The following MUC5B variants were observed in gnomAD, a reference collection of about 807,000 sequenced individuals.
The protein encoded by MUC5B is mucin 5B, oligomeric mucus/gel-forming, also known as mucin-5B.
A neutral mutation model predicts 376.9 loss-of-function variants in MUC5B; 116 were observed. That is an observed-to-expected ratio of 0.31 (90% CI 0.26 to 0.36). The LOEUF (loss-of-function observed/expected upper bound fraction) is 0.36, where lower values mean the gene tolerates loss of function less well. Ranked by LOEUF, MUC5B falls within the 10% of genes least tolerant of loss-of-function variation. The pLI is 1.00. For missense variants in MUC5B, 7,165 were observed against 7,769.9 expected, an observed-to-expected ratio of 0.92 and a Z score of 2.93; for synonymous variants, 3,517 against 3,390.9, an observed-to-expected ratio of 1.04 and a Z score of -1.29.
Position 1,247,064 on chromosome 11 carries a change from C to G in MUC5B, c.10184C>G (p.Thr3395Ser). The G allele has an allele frequency of 1.3e-6, 2 of 1,553,958 alleles. No homozygotes were observed. The highest frequency in any genetic ancestry group is 1.7e-6 in the Non-Finnish European group (2 of 1,146,626). Reference protein sequence around the residue: ...GTPPSLTTTATTITATGSTTN... With the variant: ...GTPPSLTTTASTITATGSTTN... ...CCCCCATCACTGACCACCACGGCCA[C>G]TACGATCACAGCCACCGGCTCCACC... is the stretch of plus-strand genomic sequence containing the variant. The change falls in exon 31 of 49, where the codon ACT becomes AGT. Residue 3395 changes from threonine (T) to serine (S), a missense_variant. Around this residue, in one of 31 missense-constraint regions of MUC5B, gnomAD observed 939 missense variants for 770.6 expected, o/e 1.22. Transcript: ENST00000529681.
rs779930958 is a variant in MUC5B at position 1,248,206 on chromosome 11, G to T, written c.11326G>T (p.Ala3776Ser). ...CACTCCCTTCTCCAGTCCAGGGACTGCAACCGCCCTTCCAGCACTGAGAAG... is the reference window on the plus strand; with the variant it reads ...CACTCCCTTCTCCAGTCCAGGGACTTCAACCGCCCTTCCAGCACTGAGAAG... ...KATPFSSPGT[A>S]TALPALRSTA... The change falls in exon 31 of 49, where the codon GCA (alanine) becomes TCA (serine). Residue 3776 changes from alanine to serine, a missense_variant. This residue lies in a region of MUC5B where 72 missense variants were observed against 127.8 expected (regional missense o/e 0.56). Transcript: ENST00000529681. The T allele has an allele frequency of 2.4e-5, 39 of 1,597,572 alleles. No homozygotes were observed. The highest frequency in any genetic ancestry group is 5.0e-5 in the Admixed American group (3 of 59,472).
At chr11:1,259,880 C>T in intron 45 of MUC5B, 38 bp downstream of exon 45, 1 of 1,611,912 alleles carries the variant, frequency 6.2e-7, no homozygotes, top group Non-Finnish European at 8.5e-7. Context: ...TCTCAGCTCC[C>T]TCCCTGGAGA....
In MUC5B at chr11:1,229,790, C is replaced by T. The variant is rs781512045; in HGVS notation, c.1203C>T (p.Asn401=). Reference sequence around the variant, plus strand: ...CCTACAGCCCGGGCACCTCCTTCAACACCACCTGCAGCTCCTGGTACTTAT... The same window carrying T: ...CCTACAGCCCGGGCACCTCCTTCAATACCACCTGCAGCTCCTGGTACTTAT... ...GRTYSPGTSF[N]TTCSSCTCSG... is the part of the protein sequence containing the mutation. Residue 401 remains asparagine, a synonymous_variant, in exon 10 of 49, where the codon AAC becomes AAT. Coordinates refer to ENST00000529681, the MANE Select transcript of MUC5B (RefSeq NM_002458.3). 6.2e-7 allele frequency: 1 copy of T among 1,600,626 alleles called. No homozygotes were observed. The highest frequency in any genetic ancestry group is 8.5e-7 in the Non-Finnish European group (1 of 1,175,022).
chr11:1,227,646 C>T, intron 6 of MUC5B, 29 bp from the exon 7 acceptor site: 1 of 715,204 alleles, frequency 1.4e-6, no homozygotes, highest in South Asian at 1.5e-5. Context: ...CCCCTCAGAG[C>T]CACCACACCC....
Position 1,257,114 on chromosome 11 carries a change from A to C in MUC5B, c.16238-126A>C. ...GCTCCAGCCACATCTGACACCCCAA[A>C]AGTTCTCCAGGGCCTTCCATCCCGG... On this transcript the variant is annotated intron_variant, in intron 39 of 48. Transcript: ENST00000529681. This position sits in a 1 kb window ranked among gnomAD's most constrained non-coding sequence, Gnocchi z 8.9. The C allele has an allele frequency of 1.4e-6, 1 of 706,424 alleles. No homozygotes were observed. Among genetic ancestry groups the C allele is most frequent in the South Asian group, 1.5e-5 (1 of 64,988 alleles). 43.8% of individuals were successfully genotyped at this position (706,424 alleles called of 1,614,324 possible). A position where few individuals can be genotyped will look rare whatever the true frequency, so the allele number is the denominator to read the frequency against.
intron 8 of MUC5B, 80 bp from the exon 9 acceptor site, chr11:1,229,090 G>A: frequency 7.0e-7 from 1 of 1,420,084 alleles, no homozygotes; most frequent in South Asian, 1.4e-5. Flanking sequence ...CATGTGGAAG[G>A]CCGTGGAAGG....
In MUC5B at chr11:1,234,539, A is replaced by G; in HGVS notation, c.2489A>G (p.His830Arg). 1 of 1,581,382 alleles carries G rather than the reference A, an allele frequency of 6.3e-7. No homozygotes were observed. The highest frequency in any genetic ancestry group is 8.6e-7 in the Non-Finnish European group (1 of 1,164,546). Residue 830 changes from histidine (H) to arginine (R), a missense_variant, in exon 21 of 49, where the codon CAC becomes CGC. Coordinates refer to ENST00000529681, the MANE Select transcript of MUC5B (RefSeq NM_002458.3). The surrounding 1 kb of genome is among the most constrained non-coding windows in gnomAD (Gnocchi z 6.3). ...GCCTGGGCCCCACAGTTCAGCACAC[A>G]CTGCGTGTCCGGCTGTGTCTGTCCC... ...HTLDVGCFSTHCVSGCVCPPG... is the reference protein window; with the variant it reads ...HTLDVGCFSTRCVSGCVCPPG...
Position 1,256,800 on chromosome 11 carries a change from G to A in MUC5B, c.16237+29G>A, listed in dbSNP as rs368379792. 5.3e-6 allele frequency: 8 copies of A among 1,501,050 alleles called. No individual in the cohort carries two copies. In the African/African-American group the frequency reaches 9.9e-5, roughly 19 times the overall value. The allele number at this position is 1,501,050 out of a possible 1,614,324, so 93.0% of individuals were successfully genotyped here. On this transcript the variant is annotated intron_variant, in intron 39 of 48. Transcript: ENST00000529681. The stretch of plus-strand genomic sequence containing the variant: ...AGCTCCGCCACCTGTGGCGGGATAC[G>A]ACCCTGGGCCCGACCCAAGCACACA...
intron 3 of MUC5B, 125 bp downstream of exon 3, chr11:1,226,401 G>A (rs1861883143): frequency 1.5e-6 from 2 of 1,347,826 alleles, no homozygotes; most frequent in Non-Finnish European, 2.1e-6. Flanking sequence ...AGTCCTCCGT[G>A]TGGGCGGTCT....
intron 37 of MUC5B, 93 bp downstream of exon 37, chr11:1,255,651 C>T: frequency 3.6e-6 from 1 of 277,518 alleles, no homozygotes; most frequent in Non-Finnish European, 6.1e-6. Flanking sequence ...CCCCAGACCC[C>T]TCGGCCTCTC....
At chr11:1,231,963 T>G in intron 14 of MUC5B, 33 bp from the exon 15 acceptor site, 11 of 1,611,658 alleles carry the variant, frequency 6.8e-6, no homozygotes, top group Non-Finnish European at 9.3e-6. Context: ...GGCCCAACAG[T>G]GGCCGCTGAC....
At position 1,251,724 on chromosome 11, in the gene MUC5B, T is replaced by G. The variant is rs138635478; in HGVS notation, c.14844T>G (p.Phe4948Leu). 3.6e-5 allele frequency: 57 copies of G among 1,604,382 alleles called. 1 individual carries two copies. The African/African-American group carries it at 5.3e-4, about 15-fold the overall frequency. Residue 4948 changes from phenylalanine (F) to leucine (L), a missense_variant, in exon 31 of 49, where the codon TTT (phenylalanine) becomes TTG (leucine). Phe to Leu is a conservative substitution (Grantham distance 22). Around this residue, in one of 31 missense-constraint regions of MUC5B, gnomAD observed 730 missense variants for 592.7 expected, o/e 1.23. Coordinates refer to ENST00000529681, the MANE Select transcript of MUC5B (RefSeq NM_002458.3). ...HFSTPCFCRA[F>L]GQFFSPGEVI... ...CTACTCCCTGCTTCTGCAGGGCATTTGGACAGTTTTTCTCGCCCGGTGAGT... is the reference window on the plus strand; with the variant it reads ...CTACTCCCTGCTTCTGCAGGGCATTGGGACAGTTTTTCTCGCCCGGTGAGT...
Position 1,260,260 on chromosome 11 carries a change from G to A in MUC5B, c.16924-91G>A. ...GCCCCGCCCCTGCCCGGGAGGCCAT[G>A]CCCCTGCCCGGGTGGGCCCCTCCCC... On this transcript the variant is annotated intron_variant, in intron 46 of 48. Transcript: ENST00000529681. 4 of 1,400,796 alleles carry A rather than the reference G, an allele frequency of 2.9e-6. No individual in the cohort carries two copies. In the South Asian group the frequency reaches 3.6e-5, roughly 13 times the overall value. 86.8% of individuals were successfully genotyped at this position (1,400,796 alleles called of 1,614,324 possible). A position where few individuals can be genotyped will look rare whatever the true frequency, so the allele number is the denominator to read the frequency against.
In MUC5B at chr11:1,231,555, T is replaced by C; in HGVS notation, c.1673T>C (p.Met558Thr). ...VRLDPAHQGQ[M>T]CGLCGNFNQN... ...CTGGACCCCGCCCACCAGGGCCAGATGTGCGGTGAGGCTGGGCAGGGGCCT... is the reference window on the plus strand; with the variant it reads ...CTGGACCCCGCCCACCAGGGCCAGACGTGCGGTGAGGCTGGGCAGGGGCCT... Residue 558 changes from methionine (M) to threonine (T), a missense_variant, in exon 14 of 49, where the codon ATG (methionine) becomes ACG (threonine). Met to Thr is a moderately conservative substitution (Grantham distance 81, BLOSUM62 -1). Coordinates refer to ENST00000529681, the MANE Select transcript of MUC5B (RefSeq NM_002458.3). 1 of 1,574,940 alleles carries C rather than the reference T, an allele frequency of 6.3e-7. No homozygotes were observed. The highest frequency in any genetic ancestry group is 1.2e-5 in the South Asian group (1 of 86,616).
chr11:1,256,798 AC>A (rs1234866613), intron 39 of MUC5B, 27 bp downstream of exon 39: 1 of 1,502,378 alleles, frequency 6.7e-7, no homozygotes, highest in Non-Finnish European at 8.9e-7. Flanking sequence ...GTGGCGGGAT[AC>A]GACCCTGGGC....
intron 31 of MUC5B, 93 bp from the exon 32 acceptor site, chr11:1,252,250 C>T (rs1022433852): frequency 2.4e-6 from 3 of 1,265,432 alleles, no homozygotes; most frequent in African/African-American, 3.0e-5. Flanking sequence ...ACCGCTGCTC[C>T]CTCCTGCGCT....
rs1862103970 is a variant in MUC5B, at chr11:1,234,185, C to T, written c.2378-20C>T. ...TGGCTGCCCTTCCCCAGGACCCCTC[C>T]CACCAAGCTCTGTCCCCAGGGTGTG... On this transcript the variant is annotated intron_variant, in intron 19 of 48. Transcript: ENST00000529681. This position sits in a 1 kb window ranked among gnomAD's most constrained non-coding sequence, Gnocchi z 6.3. 1.3e-6 allele frequency: 2 copies of T among 1,577,102 alleles called. No individual in the cohort carries two copies. The highest frequency in any genetic ancestry group is 1.7e-6 in the Non-Finnish European group (2 of 1,160,516).
At chr11:1,223,697 G>A (rs1052673087) in intron 1 of MUC5B, among the ~76,000 whole-genome samples, 2 of 152,188 alleles carry the variant, frequency 1.3e-5, no homozygotes, top group African/African-American at 2.4e-5. Flanking sequence ...CAAGAGCCCC[G>A]GCCTCAACCC....
intron 23 of MUC5B, among the ~76,000 whole-genome samples, chr11:1,235,795 GC>G (rs566979509): frequency 6.9e-4 from 103 of 149,874 alleles, no homozygotes; most frequent in Middle Eastern, 3.4e-3. Context: ...TGGATTTAGG[GC>G]CCCCCCCCGC....
Sources: allele counts gnomAD v4.1 joint callset (sites outside exome capture counted in the v4.1 genomes callset), GRCh38; gene constraint gnomAD v4.1.1; regional missense constraint gnomAD v4.1.1; non-coding constraint Gnocchi (gnomAD v3.1); transcripts MANE v1.5; gene names NCBI Gene and HGNC (gene_info 2026-07-23, HGNC 2026-07-21).